GSN: variants seen among roughly 807,000 people sequenced by gnomAD.
GSN encodes gelsolin.
GSN carries 56 observed loss-of-function variants against 85.7 expected under a neutral mutation model. That is an observed-to-expected ratio of 0.65 (90% CI 0.53 to 0.82). GSN has a LOEUF of 0.82. GSN is among the 40% of genes least tolerant of loss of function. The probability of loss-of-function intolerance (pLI) is 0.00; values close to 1 mark genes in which losing one functional copy is unlikely to be tolerated. For missense variants in GSN, 857 were observed against 979.8 expected (o/e 0.87, Z 1.67); for synonymous variants, 373 against 399.1 (o/e 0.93, Z 0.78).
At chr9:121,262,041 TGA>T (rs1289727685) in intron 6 of GSN, among the ~76,000 whole-genome samples, 4 of 152,232 alleles carry the variant, frequency 2.6e-5, no homozygotes, top group African/African-American at 9.6e-5. Context: ...ACAATCTTTC[TGA>T]GAGTAGTTCC....
intron 2 of GSN, among the ~76,000 whole-genome samples, chr9:121,291,482 G>A (rs1039923218): frequency 2.8e-5 from 4 of 142,478 alleles, no homozygotes; most frequent in East Asian, 2.1e-4. Context: ...GCAGTGGCGC[G>A]ATCTCGGCTC....
upstream of GSN, among the ~76,000 whole-genome samples, chr9:121,205,222 T>C (rs1297985518): frequency 6.6e-6 from 1 of 152,188 alleles, no homozygotes; most frequent in East Asian, 1.9e-4. Context: ...ACCAGTAATC[T>C]GTGGAAAGAA....
chr9:121,318,964 T>C lies in GSN; in HGVS notation c.1191+84T>C. 1 of 1,145,916 alleles carries C rather than the reference T, an allele frequency of 8.7e-7. No individual in the cohort carries two copies. Among genetic ancestry groups the C allele is most frequent in the Non-Finnish European group, 1.3e-6 (1 of 765,140 alleles). The allele number at this position is 1,145,916 out of a possible 1,614,324, so 71.0% of individuals were successfully genotyped here. ...TGCCTCTTGCTTCCCCAAGGAGGTT[T>C]CTCTCTGAGGTTTGCACAACTTTGG... On this transcript the variant is annotated intron_variant, in intron 10 of 17. Transcript: ENST00000432226. This position sits in a 1 kb window ranked among gnomAD's most constrained non-coding sequence, Gnocchi z 4.3.
the GSN span, among the ~76,000 whole-genome samples, chr9:121,202,069 C>G: frequency 6.6e-6 from 1 of 152,152 alleles, no homozygotes; most frequent in Non-Finnish European, 1.5e-5. Flanking sequence ...CGCTCGCGCC[C>G]GGAGGGAAGG....
chr9:121,324,482 T>A, intron 11 of GSN, 72 bp from the exon 12 acceptor site: 1 of 789,716 alleles, frequency 1.3e-6, no homozygotes. Flanking sequence ...TGTAGGTTTC[T>A]CAGACTCAGG....
intron 2 of GSN, among the ~76,000 whole-genome samples, chr9:121,290,394 A>ATTT (rs1409283368): frequency 5.9e-5 from 9 of 152,202 alleles, no homozygotes; most frequent in Non-Finnish European, 1.3e-4. Flanking sequence ...TGTTTGGGTT[A>ATTT]AAGGAGGGGA....
At chr9:121,300,261 T>TA in intron 2 of GSN, 1 of 665,486 alleles carries the variant, frequency 1.5e-6, no homozygotes, top group Non-Finnish European at 2.8e-6. Flanking sequence ...TCTAACATCT[T>TA]ACCTCCTGTC....
rs563521572 is a variant in GSN, at chr9:121,318,204, T to G, written c.887-202T>G. Among the ~76,000 whole-genome samples the G allele has an allele frequency of 1.3e-5, 2 of 152,206 alleles. No individual in the cohort carries two copies. Among genetic ancestry groups the G allele is most frequent in the Non-Finnish European group, 2.9e-5 (2 of 68,036 alleles). ...TAAATGGACCACAGTAGTGTTGTGA[T>G]TGGTGTCACTGGCCAGCCCCAGGCT... On this transcript the variant is annotated intron_variant, in intron 8 of 17. Transcript: ENST00000432226. The surrounding 1 kb of genome is among the most constrained non-coding windows in gnomAD (Gnocchi z 4.3).
At chr9:121,247,394 C>T (rs139991703) in intron 5 of GSN, among the ~76,000 whole-genome samples, 141 of 152,336 alleles carry the variant, frequency 9.3e-4, no homozygotes, top group East Asian at 8.5e-3. Context: ...AAAAATACAA[C>T]GCAACAACTG....
chr9:121,332,528 C>T lies in GSN; in HGVS notation c.2121C>T (p.Gly707=). Residue 707 remains glycine (G), a synonymous_variant, in exon 18 of 18, where the codon GGC becomes GGT. Coordinates refer to ENST00000432226, the MANE Select transcript of GSN (RefSeq NM_198252.3). This position sits in a 1 kb window ranked among gnomAD's most constrained non-coding sequence, Gnocchi z 4.8. ...GCTTTGAGCCTCCCTCCTTTGTGGG[C>T]TGGTTCCTTGGCTGGGATGATGATT... The part of the protein sequence containing the change: ...KQGFEPPSFV[G]WFLGWDDDYW... 1 of 1,614,020 alleles carries T rather than the reference C, an allele frequency of 6.2e-7. No individual in the cohort carries two copies. Among genetic ancestry groups the T allele is most frequent in the African/African-American group, 1.3e-5 (1 of 75,034 alleles).
At chr9:121,296,344 A>G (rs1424054324) in intron 2 of GSN, among the ~76,000 whole-genome samples, 1 of 152,196 alleles carries the variant, frequency 6.6e-6, no homozygotes, top group Non-Finnish European at 1.5e-5. Flanking sequence ...GTGAGGTGGC[A>G]TGCTGCTATC....
intron 13 of GSN, 68 bp downstream of exon 13, chr9:121,326,750 TCTC>T: frequency 7.4e-7 from 1 of 1,346,724 alleles, no homozygotes; most frequent in Non-Finnish European, 1.1e-6. Context: ...AATGACCAGA[TCTC>T]CAGGCACAGG....
At chr9:121,307,563 G>A (rs551076871) in intron 4 of GSN, among the ~76,000 whole-genome samples, 2 of 152,304 alleles carry the variant, frequency 1.3e-5, no homozygotes, top group East Asian at 3.9e-4. Context: ...ACTGGGCTCT[G>A]GACACAATGC....
chr9:121,318,550 G>C lies in GSN; in HGVS notation c.975+56G>C. On this transcript the variant is annotated intron_variant, in intron 9 of 17. Coordinates refer to ENST00000432226, the MANE Select transcript of GSN (RefSeq NM_198252.3). This position sits in a 1 kb window ranked among gnomAD's most constrained non-coding sequence, Gnocchi z 4.3. ...GGGGTGGGTCCTGTTTGGAGGGGAT[G>C]GGCTGGAGTAGGGCGGGTGTCCCAC... is the stretch of plus-strand genomic sequence containing the variant. 1 of 1,503,824 alleles carries C rather than the reference G, an allele frequency of 6.6e-7. No homozygotes were observed. Among genetic ancestry groups the C allele is most frequent in the Non-Finnish European group, 9.3e-7 (1 of 1,079,360 alleles). 93.2% of individuals were successfully genotyped at this position (1,503,824 alleles called of 1,614,324 possible).
chr9:121,251,187 C>CTTTTTTTTTTTTTTTTTTTTTTTTTTTTT lies in GSN; in HGVS notation c.-341+2877_-341+2878insTTTTTTTTTTTTTTTTTTTTTTTTTTTTT. On this transcript the variant is annotated intron_variant, in intron 6 of 24. Coordinates refer to the GSN transcript ENST00000373823. Reference sequence around the variant, plus strand: ...ATAACATACCTACAGCTGATGTGTTCTTTTTTTTTTTTTGAGATGGATTCT... The same window carrying CTTTTTTTTTTTTTTTTTTTTTTTTTTTTT: ...ATAACATACCTACAGCTGATGTGTTCTTTTTTTTTTTTTTTTTTTTTTTTTTTTTTTTTTTTTTTTTTGAGATGGATTCT... Among the ~76,000 whole-genome samples the CTTTTTTTTTTTTTTTTTTTTTTTTTTTTT allele has an allele frequency of 2.7e-5, 2 of 73,032 alleles. 1 individual carries two copies. Among genetic ancestry groups the CTTTTTTTTTTTTTTTTTTTTTTTTTTTTT allele is most frequent in the Non-Finnish European group, 4.5e-5 (2 of 44,690 alleles). The allele number at this position is 73,032 out of a possible 152,430, so 47.9% of individuals were successfully genotyped here. A position where few individuals can be genotyped will look rare whatever the true frequency, so the allele number is the denominator to read the frequency against.
chr9:121,319,372 G>A (rs972096063), intron 10 of GSN, among the ~76,000 whole-genome samples: 3 of 152,226 alleles, frequency 2.0e-5, no homozygotes, highest in African/African-American at 7.2e-5. Flanking sequence ...CCCAGGGAGG[G>A]GCCTTGAATG....
intron 7 of GSN, among the ~76,000 whole-genome samples, chr9:121,316,735 C>T (rs995150175): frequency 3.3e-5 from 5 of 152,184 alleles, no homozygotes; most frequent in African/African-American, 4.8e-5. Context: ...CCTCCCAGAG[C>T]GCTGGGATTA....
At position 121,299,050 on chromosome 9, in the gene GSN, C is replaced by T. The variant is rs926294542; in HGVS notation, c.-9-2913C>T. Among the ~76,000 whole-genome samples, 3 of 152,180 alleles carry T rather than the reference C, an allele frequency of 2.0e-5. No homozygotes were observed. Among genetic ancestry groups the T allele is most frequent in the Non-Finnish European group, 2.9e-5 (2 of 68,034 alleles). ...GACATGACGGTAAACCCTGAACCAT[C>T]AGCTAAAAGAGGTAGATAGCAGTGG... On this transcript the variant is annotated intron_variant, in intron 2 of 17. Coordinates refer to ENST00000432226, the MANE Select transcript of GSN (RefSeq NM_198252.3). The surrounding 1 kb of genome is among the most constrained non-coding windows in gnomAD (Gnocchi z 4.2).
Position 121,318,492 on chromosome 9 carries a change from C to T in GSN, c.973C>T (p.Gln325Ter). ...CAAGATGGACTACCCCAAGCAGACT[C>T]AGGTGAGTCTTGGAGGCCAGGTAGG... The part of the protein sequence containing the change: ...ITKMDYPKQT[Q>*]VSVLPEGGET... The change falls in exon 9 of 18, where the codon CAG becomes TAG. Residue 325 changes from glutamine to a stop codon, truncating the protein, a stop_gained and splice_region_variant. Coordinates refer to ENST00000432226, the MANE Select transcript of GSN (RefSeq NM_198252.3). LOFTEE classifies it high-confidence loss of function. The surrounding 1 kb of genome is among the most constrained non-coding windows in gnomAD (Gnocchi z 4.3). 6.2e-7 allele frequency: 1 copy of T among 1,611,874 alleles called. No individual in the cohort carries two copies. The highest frequency in any genetic ancestry group is 2.2e-5 in the East Asian group (1 of 44,838).
Sources: allele counts gnomAD v4.1 joint callset (sites outside exome capture counted in the v4.1 genomes callset), GRCh38; gene constraint gnomAD v4.1.1; non-coding constraint Gnocchi (gnomAD v3.1); transcripts MANE v1.5; gene names NCBI Gene and HGNC (gene_info 2026-07-23, HGNC 2026-07-21).